The following NOS1AP variants were observed in gnomAD, a reference collection of about 807,000 sequenced individuals.
NOS1AP encodes the protein nitric oxide synthase 1 adaptor protein.
In NOS1AP, 21 loss-of-function variants were observed where a neutral mutation model predicts 56.2. That is an observed-to-expected ratio of 0.37 (90% CI 0.26 to 0.54). The LOEUF is 0.54. Among genes scored for constraint, NOS1AP ranks in the 20% least tolerant of loss-of-function variants. The pLI, the probability that NOS1AP is intolerant of heterozygous loss-of-function variation, is 0.84. For missense variants in NOS1AP, 522 were observed against 657.8 expected (o/e 0.79, Z 2.26); for synonymous variants, 270 against 274.6 (o/e 0.98, Z 0.17).
At chr1:162,226,580 C>T (rs1315828169) in intron 2 of NOS1AP, among the ~76,000 whole-genome samples, 1 of 152,118 alleles carries the variant, frequency 6.6e-6, no homozygotes, top group Non-Finnish European at 1.5e-5. Context: ...TGTAAGGGGA[C>T]CCTAACAGAG....
intron 2 of NOS1AP, among the ~76,000 whole-genome samples, chr1:162,278,989 A>G (rs899286882): frequency 1.3e-5 from 2 of 152,156 alleles, no homozygotes; most frequent in South Asian, 2.1e-4. Flanking sequence ...TAGGCTAGAT[A>G]TTAGTGGAGA....
At chr1:162,265,575 C>T (rs1345371339) in intron 2 of NOS1AP, among the ~76,000 whole-genome samples, 2 of 151,506 alleles carry the variant, frequency 1.3e-5, no homozygotes, top group Non-Finnish European at 2.9e-5. Context: ...TTTTTTATGG[C>T]TGCATAGTAT....
intron 2 of NOS1AP, among the ~76,000 whole-genome samples, chr1:162,165,914 TATC>T (rs1430967822): frequency 1.3e-5 from 2 of 152,190 alleles, no homozygotes; most frequent in Non-Finnish European, 2.9e-5. Context: ...AAACTGAAGT[TATC>T]ATTTCTGCAG....
chr1:162,197,139 A>G (rs1004023764), intron 2 of NOS1AP, among the ~76,000 whole-genome samples: 2 of 152,186 alleles, frequency 1.3e-5, no homozygotes, highest in African/African-American at 4.8e-5. Flanking sequence ...GTAATAATTA[A>G]CTGCTAATGG....
chr1:162,367,041 C>A lies in NOS1AP; in HGVS notation c.1106-11C>A. On this transcript the variant is annotated splice_polypyrimidine_tract_variant and intron_variant, in intron 9 of 9. Transcript: ENST00000361897. This position sits in a 1 kb window ranked among gnomAD's most constrained non-coding sequence, Gnocchi z 6.5. ...ACGCTGCCCCTCTGCTACCTCTTGT[C>A]TCCCCTGCAGTGGGCTCCCAGGACA... 1 of 1,613,848 alleles carries A rather than the reference C, an allele frequency of 6.2e-7. No homozygotes were observed. The highest frequency in any genetic ancestry group is 1.1e-5 in the South Asian group (1 of 91,082).
At chr1:162,082,427 T>C (rs1691916170) in intron 1 of NOS1AP, among the ~76,000 whole-genome samples, 1 of 152,196 alleles carries the variant, frequency 6.6e-6, no homozygotes. Flanking sequence ...TATAATAGAA[T>C]GATTTATATT....
At chr1:162,077,039 A>G (rs908523054) in intron 1 of NOS1AP, among the ~76,000 whole-genome samples, 49 of 152,334 alleles carry the variant, frequency 3.2e-4, no homozygotes, top group Admixed American at 2.0e-3. Context: ...AAATAATGCT[A>G]TAAACATTCA....
At chr1:162,280,639 G>A (rs1374837701) in intron 2 of NOS1AP, among the ~76,000 whole-genome samples, 1 of 152,154 alleles carries the variant, frequency 6.6e-6, no homozygotes, top group African/African-American at 2.4e-5. Flanking sequence ...AAAGTAGGAT[G>A]ATACTTCATT....
At chr1:162,302,955 A>G (rs184689116) in intron 4 of NOS1AP, among the ~76,000 whole-genome samples, 2 of 152,190 alleles carry the variant, frequency 1.3e-5, no homozygotes, top group African/African-American at 4.8e-5. Flanking sequence ...TTCACTCAGC[A>G]TAATTTATTT....
chr1:162,127,938 T>C (rs1165133382), intron 1 of NOS1AP, among the ~76,000 whole-genome samples: 1 of 151,978 alleles, frequency 6.6e-6, no homozygotes, highest in Non-Finnish European at 1.5e-5. Context: ...CAAACATTTT[T>C]ACACCAAAAA....
At chr1:162,139,901 C>T (rs1010949726) in intron 1 of NOS1AP, among the ~76,000 whole-genome samples, 13 of 151,798 alleles carry the variant, frequency 8.6e-5, no homozygotes, top group African/African-American at 1.7e-4. Flanking sequence ...GATCTCGACT[C>T]ACTGCAACCT....
intron 2 of NOS1AP, among the ~76,000 whole-genome samples, chr1:162,235,124 A>G (rs1653245825): frequency 7.0e-6 from 1 of 142,804 alleles, no homozygotes; most frequent in Non-Finnish European, 1.6e-5. Context: ...AATTTTTCCT[A>G]TTAAACATTT....
At position 162,355,175 on chromosome 1, in the gene NOS1AP, T is replaced by C. The variant is rs1657660515; in HGVS notation, c.596-12T>C. ...TTCATTCTCTTCCCTCCCTCCCCTG[T>C]TGTTCCTGCAGGCCGCCAGCTCACT... On this transcript the variant is annotated splice_polypyrimidine_tract_variant and intron_variant, in intron 6 of 9. Transcript: ENST00000361897. 15 of 1,614,032 alleles carry C rather than the reference T, an allele frequency of 9.3e-6. No individual in the cohort carries two copies. The highest frequency in any genetic ancestry group is 1.3e-5 in the Non-Finnish European group (15 of 1,180,010).
intron 6 of NOS1AP, among the ~76,000 whole-genome samples, chr1:162,345,571 T>A (rs183848673): frequency 6.6e-6 from 1 of 152,054 alleles, no homozygotes; most frequent in Non-Finnish European, 1.5e-5. Context: ...TGACAAATCA[T>A]GAAAGTCAAA....
chr1:162,120,149 ATG>A (rs1648150836), intron 1 of NOS1AP, among the ~76,000 whole-genome samples: 1 of 152,078 alleles, frequency 6.6e-6, no homozygotes, highest in African/African-American at 2.4e-5. Flanking sequence ...GTGTATATAT[ATG>A]TATATATCAA....
At chr1:162,342,266 G>C (rs1289249335) in intron 5 of NOS1AP, among the ~76,000 whole-genome samples, 3 of 152,206 alleles carry the variant, frequency 2.0e-5, no homozygotes, top group African/African-American at 7.2e-5. Context: ...TAATGGCTAA[G>C]AAAGGTTAGA....
chr1:162,281,167 A>G (rs1185537579), intron 2 of NOS1AP, among the ~76,000 whole-genome samples: 1 of 152,204 alleles, frequency 6.6e-6, no homozygotes, highest in African/African-American at 2.4e-5. Context: ...AGCATAGATA[A>G]AGTGCTCAGT....
At chr1:162,362,011 C>T (rs192681630) in intron 8 of NOS1AP, among the ~76,000 whole-genome samples, 115 of 152,330 alleles carry the variant, frequency 7.5e-4, no homozygotes, top group Admixed American at 1.8e-3. Context: ...CCAGTCCTCT[C>T]GGTTGACAGA....
At chr1:162,272,522 T>C (rs1654615166) in intron 2 of NOS1AP, among the ~76,000 whole-genome samples, 1 of 152,116 alleles carries the variant, frequency 6.6e-6, no homozygotes, top group East Asian at 1.9e-4. Flanking sequence ...TTGATAGAGA[T>C]GACGCGAGGA....
Sources: allele counts gnomAD v4.1 joint callset (sites outside exome capture counted in the v4.1 genomes callset), GRCh38; gene constraint gnomAD v4.1.1; non-coding constraint Gnocchi (gnomAD v3.1); transcripts MANE v1.5; gene names NCBI Gene and HGNC (gene_info 2026-07-23, HGNC 2026-07-21).